The following USP36 variants were observed in gnomAD, a reference collection of about 807,000 sequenced individuals.
USP36 encodes ubiquitin carboxyl-terminal hydrolase 36.
In USP36, 59 loss-of-function variants were observed where a neutral mutation model predicts 111.5. The ratio of observed to expected loss-of-function variants is 0.53; its 90% CI spans 0.43 to 0.66. USP36 has a LOEUF of 0.66. Ranked by LOEUF, USP36 falls within the 30% of genes least tolerant of loss-of-function variation. The pLI is 0.00. For synonymous variants in USP36, 628 were observed against 581.0 expected, an observed-to-expected ratio of 1.08 and a Z score of -1.16; for missense variants, 1,488 against 1,468.0, an observed-to-expected ratio of 1.01 and a Z score of -0.22.
rs371055257 is a variant in USP36 at position 78,830,886 on chromosome 17, CAAT to C, written c.476-1882_476-1880del. Among the ~76,000 whole-genome samples the C allele has an allele frequency of 3.3e-3, 503 of 151,654 alleles. 2 individuals carry two copies. The highest frequency in any genetic ancestry group is 0.011 in the African/African-American group (465 of 41,306). ...GTTATTACTTTTATTTTTAAAATGA[CAAT>C]AATGATTGGTGAACTCAAAATTAGG... is the stretch of plus-strand genomic sequence containing the variant. On this transcript the variant is annotated intron_variant, in intron 4 of 20. Transcript: ENST00000449938.
intron 3 of USP36, chr17:78,787,720 T>C (rs760702357): frequency 3.9e-5 from 6 of 152,218 alleles, no homozygotes; most frequent in East Asian, 1.9e-4. Context: ...CATACTGTTA[T>C]GGGTTGAGTC....
In USP36 at chr17:78,806,952, C is replaced by T. The variant is rs747607736; in HGVS notation, c.2085+7G>A. The T allele has an allele frequency of 2.9e-5, 46 of 1,613,312 alleles. 1 individual carries two copies. The highest frequency in any genetic ancestry group is 3.3e-5 in the South Asian group (3 of 91,038). ...ACACAGCAGCGGCGAGACCCCCACA[C>T]ACCCACCTTCTTGGCAGAAAGGGCC... On this transcript the variant is annotated splice_region_variant and intron_variant, in intron 14 of 20. Transcript: ENST00000449938.
At chr17:78,818,524 C>T (rs2094240749) in intron 10 of USP36, 143 bp downstream of exon 10, 1 of 701,172 alleles carries the variant, frequency 1.4e-6, no homozygotes, top group East Asian at 2.8e-5. Flanking sequence ...GTCCCTACTT[C>T]ACAATATGTG....
In USP36 at chr17:78,798,409, C is replaced by T; in HGVS notation, c.*11G>A. Reference sequence around the variant, plus strand: ...CCCCCTCGGAACCGACCTCCTTCCACAGGGGCACAGTCAGCGGCGATAGCT... The same window carrying T: ...CCCCCTCGGAACCGACCTCCTTCCATAGGGGCACAGTCAGCGGCGATAGCT... On this transcript the variant is annotated 3_prime_UTR_variant, in exon 20 of 21. Coordinates refer to ENST00000449938, the MANE Select transcript of USP36 (RefSeq NM_001385174.1). The surrounding 1 kb of genome is among the most constrained non-coding windows in gnomAD (Gnocchi z 5.1). The T allele has an allele frequency of 6.2e-7, 1 of 1,614,110 alleles. No individual in the cohort carries two copies. The highest frequency in any genetic ancestry group is 8.5e-7 in the Non-Finnish European group (1 of 1,180,028).
At chr17:78,835,204 A>G (rs2068547450) in intron 4 of USP36, 76 bp downstream of exon 4, 1 of 1,455,202 alleles carries the variant, frequency 6.9e-7, no homozygotes, top group Non-Finnish European at 9.5e-7. Flanking sequence ...GACTGAGAGC[A>G]GCAGTGCCAC....
At position 78,798,090 on chromosome 17, in the gene USP36, G is replaced by A; in HGVS notation, c.*21-211C>T. 1 of 320,568 alleles carries A rather than the reference G, an allele frequency of 3.1e-6. No individual in the cohort carries two copies. The allele number at this position is 320,568 out of a possible 1,614,324, so 19.9% of individuals were successfully genotyped here. On this transcript the variant is annotated intron_variant, in intron 20 of 20. Transcript: ENST00000449938. The surrounding 1 kb of genome is among the most constrained non-coding windows in gnomAD (Gnocchi z 5.1). ...ACACCCCACACATGCCCTTCTCCAA[G>A]TGACCAGAACACATGCCACAGATGC... is the stretch of plus-strand genomic sequence containing the variant.
At chr17:78,799,927 T>TTCCTAG (rs2093699701) in intron 17 of USP36, among the ~76,000 whole-genome samples, 159 bp from the exon 18 acceptor site, 1 of 146,468 alleles carries the variant, frequency 6.8e-6, no homozygotes, top group Non-Finnish European at 1.5e-5. Context: ...CTCACTATGT[T>TTCCTAG]TCCTAGGTTG....
At chr17:78,815,768 T>TA (rs1196321418) in intron 10 of USP36, among the ~76,000 whole-genome samples, 1 of 152,100 alleles carries the variant, frequency 6.6e-6, no homozygotes, top group African/African-American at 2.4e-5. Context: ...CATGCACGCA[T>TA]AAAATACATG....
chr17:78,819,248 T>C (rs1436869075), intron 9 of USP36, among the ~76,000 whole-genome samples: 22 of 152,172 alleles, frequency 1.4e-4, no homozygotes, highest in Admixed American at 1.4e-3. Flanking sequence ...GAATTAAGAA[T>C]ATATTCTTTA....
chr17:78,799,470 G>C (rs1046062950), intron 18 of USP36, among the ~76,000 whole-genome samples, 197 bp downstream of exon 18: 3 of 152,078 alleles, frequency 2.0e-5, no homozygotes, highest in Admixed American at 2.0e-4. Context: ...ATCCTGCCAC[G>C]GACAGAAGCC....
rs1312796098 is a variant in USP36, at chr17:78,803,938, G to A, written c.2257C>T (p.Pro753Ser). 1 of 1,597,090 alleles carries A rather than the reference G, an allele frequency of 6.3e-7. No homozygotes were observed. The highest frequency in any genetic ancestry group is 8.5e-7 in the Non-Finnish European group (1 of 1,174,092). ...PAPQSSSRLQPPFSPHPTLLS... is the reference protein window; with the variant it reads ...PAPQSSSRLQSPFSPHPTLLS... ...AATGTGGGGTGGGGGCTGAAGGGGG[G>A]TTGCAGGCGGCTGGATGATTGGGGA... The change falls in exon 16 of 21, where the codon CCC (proline) becomes TCC (serine). Residue 753 changes from proline to serine, a missense_variant. This residue lies in a region of USP36 where 1,073 missense variants were observed against 994.1 expected (regional missense o/e 1.08). Coordinates refer to ENST00000449938, the MANE Select transcript of USP36 (RefSeq NM_001385174.1). This position sits in a 1 kb window ranked among gnomAD's most constrained non-coding sequence, Gnocchi z 4.6.
intron 14 of USP36, 69 bp downstream of exon 14, chr17:78,806,890 C>A: frequency 3.2e-6 from 5 of 1,566,754 alleles, no homozygotes; most frequent in Non-Finnish European, 4.3e-6. Context: ...TCACTCCCTT[C>A]AAACCACAAC....
chr17:78,831,647 T>C (rs796251939), intron 4 of USP36, among the ~76,000 whole-genome samples: 5 of 152,094 alleles, frequency 3.3e-5, no homozygotes, highest in African/African-American at 9.6e-5. Flanking sequence ...AATCATTATA[T>C]ATAAAACGCT....
At chr17:78,800,957 T>C (rs1268489171) in intron 17 of USP36, among the ~76,000 whole-genome samples, 3 of 149,468 alleles carry the variant, frequency 2.0e-5, no homozygotes, top group South Asian at 2.1e-4. Flanking sequence ...TCTGGTGCCA[T>C]GTTAGGGCAG....
At position 78,836,139 on chromosome 17, in the gene USP36, A is replaced by G. The variant is rs1599113791; in HGVS notation, c.225T>C (p.Ser75=). 6.2e-7 allele frequency: 1 copy of G among 1,613,312 alleles called. No individual in the cohort carries two copies. Among genetic ancestry groups the G allele is most frequent in the African/African-American group, 1.3e-5 (1 of 74,820 alleles). The part of the protein sequence containing the change: ...PKTEGASRHK[S]GDDPPARRQG... The stretch of plus-strand genomic sequence containing the variant: ...GTCTCCTGGCCGGTGGGTCATCTCC[A>G]CTCTTGTGGCGACTAGCTCCCTCTG... The change falls in exon 3 of 21, where the codon AGT becomes AGC. Residue 75 remains serine (S), a synonymous_variant. Coordinates refer to ENST00000449938, the MANE Select transcript of USP36 (RefSeq NM_001385174.1).
Position 78,798,568 on chromosome 17 carries a change from A to T in USP36, c.3241-17T>A. 1 of 1,611,058 alleles carries T rather than the reference A, an allele frequency of 6.2e-7. No homozygotes were observed. Among genetic ancestry groups the T allele is most frequent in the South Asian group, 1.1e-5 (1 of 91,012 alleles). On this transcript the variant is annotated splice_polypyrimidine_tract_variant and intron_variant, in intron 19 of 20. Transcript: ENST00000449938. This position sits in a 1 kb window ranked among gnomAD's most constrained non-coding sequence, Gnocchi z 5.1. The stretch of plus-strand genomic sequence containing the variant: ...TTTCTTTTCCTAGACCAAGAATCAC[A>T]GGCATCACAGTTCCCAAAAACGGCT...
chr17:78,838,051 T>C (rs1250658911), intron 2 of USP36, among the ~76,000 whole-genome samples: 1 of 152,048 alleles, frequency 6.6e-6, no homozygotes, highest in African/African-American at 2.4e-5. Flanking sequence ...CGCCTGTGAA[T>C]AGCCAGTGCA....
chr17:78,826,651 C>T (rs1292139102), intron 6 of USP36: 1 of 165,134 alleles, frequency 6.1e-6, no homozygotes, highest in African/African-American at 2.4e-5. Flanking sequence ...TGCCTGTTTT[C>T]TTTGGTCTGA....
At position 78,829,785 on chromosome 17, in the gene USP36, G is replaced by C. The variant is rs576882022; in HGVS notation, c.476-778C>G. ...TGAGACAGAGTCTCACTGTCACCCA[G>C]GCTGGAGTGCAGTGGCACAATCTTG... On this transcript the variant is annotated intron_variant, in intron 4 of 20. Coordinates refer to ENST00000449938, the MANE Select transcript of USP36 (RefSeq NM_001385174.1). 3.3e-3 allele frequency among the ~76,000 whole-genome samples: 497 copies of C among 152,294 alleles called. 3 individuals carry two copies. The highest frequency in any genetic ancestry group is 5.5e-3 in the Non-Finnish European group (372 of 68,020).
Sources: allele counts gnomAD v4.1 joint callset (sites outside exome capture counted in the v4.1 genomes callset), GRCh38; gene constraint gnomAD v4.1.1; regional missense constraint gnomAD v4.1.1; non-coding constraint Gnocchi (gnomAD v3.1); transcripts MANE v1.5; gene names NCBI Gene and HGNC (gene_info 2026-07-23, HGNC 2026-07-21).